The following FGF13 variants were observed in gnomAD, a reference collection of about 807,000 sequenced individuals.
The protein encoded by FGF13 is fibroblast growth factor 13.
FGF13 carries 2 observed loss-of-function variants against 19.5 expected under a neutral mutation model. That is an observed-to-expected ratio of 0.10 (90% confidence interval 0.04 to 0.32). The LOEUF is 0.32. FGF13 is among the 10% of genes least tolerant of loss of function. The pLI is 1.00. For synonymous variants in FGF13, 72 were observed against 76.9 expected (o/e 0.94, Z 0.33); for missense variants, 113 against 192.7 (o/e 0.59, Z 2.45).
At chrX:139,016,305 GA>G (rs1311213525) in intron 1 of FGF13, among the ~76,000 whole-genome samples, 1 of 111,518 alleles carries the variant, frequency 9.0e-6, no homozygotes, top group African/African-American at 3.3e-5. Flanking sequence ...AAAGAGGGGG[GA>G]AAGTACTATT....
chrX:138,882,069 G>T (rs1225750709), intron 1 of FGF13, among the ~76,000 whole-genome samples: 1 of 110,420 alleles, frequency 9.1e-6, no homozygotes, highest in Non-Finnish European at 1.9e-5. Context: ...TAGTCCCTTT[G>T]CTATATCCCA....
At chrX:139,202,880 C>T (rs1879036649) in intron 1 of FGF13, among the ~76,000 whole-genome samples, 1 of 111,458 alleles carries the variant, frequency 9.0e-6, no homozygotes, top group Non-Finnish European at 1.9e-5. Flanking sequence ...CGGCGTGGGT[C>T]GCTGCGGTCC....
chrX:139,116,909 C>T (rs1460513968), intron 1 of FGF13, among the ~76,000 whole-genome samples: 1 of 111,423 alleles, frequency 9.0e-6, no homozygotes, highest in East Asian at 2.8e-4. Flanking sequence ...AAGCAGCCCA[C>T]TTGGCTTTCT....
intron 3 of FGF13, among the ~76,000 whole-genome samples, chrX:138,767,922 C>T (rs968889993): frequency 2.7e-5 from 3 of 112,244 alleles, no homozygotes; most frequent in African/African-American, 6.5e-5. Flanking sequence ...TTGTCTGTTC[C>T]GCCACATAAA....
intron 1 of FGF13, among the ~76,000 whole-genome samples, chrX:138,996,083 G>T (rs2092041177): frequency 1.8e-5 from 2 of 111,849 alleles, no homozygotes; most frequent in Non-Finnish European, 3.8e-5. Flanking sequence ...CAAATAGGAA[G>T]AGCTCTGGTC....
intron 3 of FGF13, among the ~76,000 whole-genome samples, chrX:138,784,328 A>G (rs764845711): frequency 1.7e-3 from 181 of 106,719 alleles, no homozygotes; most frequent in African/African-American, 6.1e-3. Context: ...TAAAAAAAAA[A>G]TTAAAAAAAA....
intron 3 of FGF13, among the ~76,000 whole-genome samples, chrX:138,829,371 C>A (rs1337913943): frequency 9.0e-6 from 1 of 110,790 alleles, no homozygotes. Flanking sequence ...CCCAAGAGAG[C>A]TGGTTGTTAT....
At chrX:139,129,180 CAT>C (rs1491492888) in intron 1 of FGF13, among the ~76,000 whole-genome samples, 4,301 of 104,697 alleles carry the variant, frequency 0.041, 99 homozygotes, top group African/African-American at 0.08. Context: ...CACACACACA[CAT>C]GTGTGTGTGT....
intron 1 of FGF13, among the ~76,000 whole-genome samples, chrX:139,190,468 C>A (rs1438052888): frequency 8.9e-6 from 1 of 111,953 alleles, no homozygotes; most frequent in Non-Finnish European, 1.9e-5. Flanking sequence ...CTGCCTGAAT[C>A]TGTTACTGTG....
At chrX:139,166,902 C>G (rs1180595116) in intron 1 of FGF13, among the ~76,000 whole-genome samples, 6 of 111,416 alleles carry the variant, frequency 5.4e-5, no homozygotes, top group Admixed American at 1.9e-4. Flanking sequence ...AGATAACACC[C>G]AAGCTCCTTA....
At chrX:138,840,349 C>T (rs1020054307) in intron 3 of FGF13, among the ~76,000 whole-genome samples, 2 of 111,425 alleles carry the variant, frequency 1.8e-5, no homozygotes, top group African/African-American at 6.5e-5. Flanking sequence ...ACAAACATCC[C>T]GCCATGGTAC....
chrX:138,667,282 G>C (rs1007926450), intron 3 of FGF13, among the ~76,000 whole-genome samples: 3 of 108,003 alleles, frequency 2.8e-5, no homozygotes, highest in East Asian at 5.8e-4. Flanking sequence ...TAGAGAGAGA[G>C]AGAGAAAGAA....
At chrX:139,171,873 G>A (rs1396232851) in intron 1 of FGF13, among the ~76,000 whole-genome samples, 3 of 111,986 alleles carry the variant, frequency 2.7e-5, no homozygotes. Context: ...TTGTGATTAT[G>A]ATATTGCTTT....
intron 3 of FGF13, among the ~76,000 whole-genome samples, chrX:138,842,435 T>C (rs951216449): frequency 2.7e-5 from 3 of 110,387 alleles, no homozygotes; most frequent in Non-Finnish European, 5.7e-5. Flanking sequence ...CTGAGATAAG[T>C]TAAAGGTTTG....
At chrX:138,799,942 C>A (rs765756059) in intron 3 of FGF13, among the ~76,000 whole-genome samples, 1 of 111,477 alleles carries the variant, frequency 9.0e-6, no homozygotes, top group Non-Finnish European at 1.9e-5. Flanking sequence ...AATTATTCCT[C>A]CATCCCTTTA....
In FGF13 at chrX:138,824,068, C is replaced by CTGAT. The variant is rs1051528921; in HGVS notation, c.217+33440_217+33443dup. Reference sequence around the variant, plus strand: ...AGCTAGAAATGTAAGAGAGGGAAGACTGATTGAGATCAAGGTAATTGAAGG... The same window carrying CTGAT: ...AGCTAGAAATGTAAGAGAGGGAAGACTGATTGATTGAGATCAAGGTAATTGAAGG... On this transcript the variant is annotated intron_variant, in intron 3 of 6. Coordinates refer to the FGF13 transcript ENST00000436198. Among the ~76,000 whole-genome samples the CTGAT allele has an allele frequency of 3.6e-5, 4 of 111,995 alleles. No homozygotes were observed. The Admixed American group carries it at 3.8e-4, about 11-fold the overall frequency.
chrX:139,175,549 G>A lies in FGF13; in HGVS notation c.-113+27867C>T, dbSNP rs746486657. ...ATTGGCTGTGGGTTTGTCATAAATAGCTCTTATTATTTTGAGATAGGTTCC... is the reference window on the plus strand; with the variant it reads ...ATTGGCTGTGGGTTTGTCATAAATAACTCTTATTATTTTGAGATAGGTTCC... On this transcript the variant is annotated intron_variant, in intron 1 of 2. Transcript: ENST00000421460. Among the ~76,000 whole-genome samples, 4 of 111,805 alleles carry A rather than the reference G, an allele frequency of 3.6e-5. No homozygotes were observed. In the South Asian group the frequency reaches 1.5e-3, roughly 42 times the overall value.
chrX:138,920,123 A>C (rs1362906669), intron 1 of FGF13, among the ~76,000 whole-genome samples: 1 of 111,351 alleles, frequency 9.0e-6, no homozygotes, highest in African/African-American at 3.3e-5. Context: ...GAGAGTAGGT[A>C]ATATTTCTGC....
rs141028158 is a variant in FGF13 at position 138,823,545 on chromosome X, C to T, written c.217+33967G>A. Among the ~76,000 whole-genome samples, 346 of 111,864 alleles carry T rather than the reference C, an allele frequency of 3.1e-3. 3 individuals are homozygous for T. Among genetic ancestry groups the T allele is most frequent in the Admixed American group, 0.028 (292 of 10,546 alleles). On this transcript the variant is annotated intron_variant, in intron 3 of 6. Coordinates refer to the FGF13 transcript ENST00000436198. ...AGCCTAATCTTTCATGGCTATGTGA[C>T]AAGAACCCTATCTGTAGCTGAGCTA...
Sources: allele counts gnomAD v4.1 joint callset (sites outside exome capture counted in the v4.1 genomes callset), GRCh38; gene constraint gnomAD v4.1.1; transcripts MANE v1.5; gene names NCBI Gene and HGNC (gene_info 2026-07-23, HGNC 2026-07-21).